Variants in NAV2 observed in about 807,000 individuals in gnomAD.
NAV2 encodes neuron navigator 2, also known as helicase, APC down-regulated 1.
Under a neutral mutation model 223.2 loss-of-function variants are expected in NAV2, and 54 were observed. That is an observed-to-expected ratio of 0.24 (90% CI 0.19 to 0.30). The LOEUF (loss-of-function observed/expected upper bound fraction) is 0.30, where lower values mean the gene tolerates loss of function less well. NAV2 is among the 10% of genes least tolerant of loss of function. NAV2 has a pLI of 1.00. For synonymous variants in NAV2, 1,279 were observed against 1,239.3 expected, an observed-to-expected ratio of 1.03 and a Z score of -0.67; for missense variants, 2,806 against 3,147.5, an observed-to-expected ratio of 0.89 and a Z score of 2.60.
Position 20,120,361 on chromosome 11 carries a change from G to A in NAV2, c.*2103G>A, listed in dbSNP as rs1009323440. The A allele has an allele frequency of 2.0e-5, 3 of 152,432 alleles. No homozygotes were observed. The highest frequency in any genetic ancestry group is 4.4e-5 in the Non-Finnish European group (3 of 68,014). The allele number at this position is 152,432 out of a possible 1,614,324, so 9.4% of individuals were successfully genotyped here. The stretch of plus-strand genomic sequence containing the variant: ...TCTGGGTGTGAGTGTGTCTTGTTCT[G>A]TTTTTCTTTTTAATAAAACTTTTAA... On this transcript the variant is annotated 3_prime_UTR_variant, in exon 38 of 38. Transcript: ENST00000349880.
intron 11 of NAV2, among the ~76,000 whole-genome samples, chr11:20,023,919 A>G (rs79299181): frequency 0.056 from 8,594 of 152,156 alleles, 792 homozygotes; most frequent in African/African-American, 0.2. Flanking sequence ...GTGTCATTCA[A>G]TTTCATTGCA....
At chr11:19,829,777 A>G (rs1159062592) in intron 1 of NAV2, among the ~76,000 whole-genome samples, 7 of 152,154 alleles carry the variant, frequency 4.6e-5, no homozygotes, top group Non-Finnish European at 1.5e-5. Context: ...AGGCACTTCC[A>G]TATAGTCCCA....
chr11:19,553,492 A>G (rs2044756901), intron 1 of NAV2, among the ~76,000 whole-genome samples: 1 of 145,094 alleles, frequency 6.9e-6, no homozygotes, highest in Non-Finnish European at 1.5e-5. Context: ...CTGAGCACCA[A>G]TATACAGTAA....
intron 6 of NAV2, among the ~76,000 whole-genome samples, chr11:19,897,886 T>TTTATATATATA: frequency 8.3e-6 from 1 of 120,686 alleles, no homozygotes; most frequent in African/African-American, 3.4e-5. Flanking sequence ...GACCTGTGAT[T>TTTATATATATA]TATATATATA....
At chr11:19,937,448 T>C (rs1056821068) in intron 7 of NAV2, among the ~76,000 whole-genome samples, 1 of 151,904 alleles carries the variant, frequency 6.6e-6, no homozygotes, top group African/African-American at 2.4e-5. Flanking sequence ...GAATGAATTA[T>C]ATTTATCAAT....
At chr11:19,358,219 G>A (rs1300410261) in intron 1 of NAV2, among the ~76,000 whole-genome samples, 2 of 152,182 alleles carry the variant, frequency 1.3e-5, no homozygotes, top group South Asian at 2.1e-4. Flanking sequence ...GGATGGCAGA[G>A]CAGGAGTAGA....
At chr11:20,022,633 T>A (rs1177001356) in intron 11 of NAV2, 20 of 988,704 alleles carry the variant, frequency 2.0e-5, no homozygotes, top group Non-Finnish European at 2.3e-5. Context: ...GATTTTTGCA[T>A]CATTAAAAGT....
intron 1 of NAV2, among the ~76,000 whole-genome samples, chr11:19,584,908 A>G (rs1225949905): frequency 1.3e-5 from 2 of 152,162 alleles, no homozygotes; most frequent in East Asian, 3.8e-4. Flanking sequence ...CTTGGTGCAG[A>G]GCTGAGTTCA....
At chr11:19,358,652 C>G (rs1853757727) in intron 1 of NAV2, among the ~76,000 whole-genome samples, 1 of 152,080 alleles carries the variant, frequency 6.6e-6, no homozygotes, top group African/African-American at 2.4e-5. Flanking sequence ...CATAGAGGTA[C>G]CAATCTGCAT....
chr11:19,737,946 C>G (rs1307751369), intron 1 of NAV2, among the ~76,000 whole-genome samples: 1 of 152,234 alleles, frequency 6.6e-6, no homozygotes, highest in African/African-American at 2.4e-5. Flanking sequence ...ACTGTCTCAG[C>G]AGCTCTTAGA....
chr11:19,775,729 G>C (rs1206824195), intron 1 of NAV2, among the ~76,000 whole-genome samples: 1 of 152,208 alleles, frequency 6.6e-6, no homozygotes, highest in African/African-American at 2.4e-5. Flanking sequence ...TCCCTGAAGA[G>C]GTGCCATTAG....
At chr11:19,895,698 C>A (rs1764949487) in intron 6 of NAV2, among the ~76,000 whole-genome samples, 2 of 152,112 alleles carry the variant, frequency 1.3e-5, no homozygotes, top group African/African-American at 4.8e-5. Flanking sequence ...TTTATTCTCT[C>A]TCCTACCCTG....
At chr11:19,862,556 G>A (rs1053023010) in intron 3 of NAV2, among the ~76,000 whole-genome samples, 1 of 152,188 alleles carries the variant, frequency 6.6e-6, no homozygotes, top group African/African-American at 2.4e-5. Flanking sequence ...AGAAGGGCAG[G>A]CCCTGATGCT....
chr11:19,589,646 A>G (rs1301495139), intron 1 of NAV2, among the ~76,000 whole-genome samples: 1 of 152,180 alleles, frequency 6.6e-6, no homozygotes, highest in African/African-American at 2.4e-5. Flanking sequence ...AAGGGCCTCT[A>G]TGTATCTAGA....
rs1473749494 is a variant in NAV2 at position 19,567,715 on chromosome 11, A to G, written c.75+216688A>G. 2.0e-5 allele frequency among the ~76,000 whole-genome samples: 3 copies of G among 151,948 alleles called. No homozygotes were observed. In the East Asian group the frequency reaches 5.8e-4, roughly 29 times the overall value. On this transcript the variant is annotated intron_variant, in intron 1 of 37. Coordinates refer to the NAV2 transcript ENST00000360655. Reference sequence around the variant, plus strand: ...TAATTCAGTCCCTCTGATAGACCACATTCTTCCTTGTCTTTAGGTCTTTCC... The same window carrying G: ...TAATTCAGTCCCTCTGATAGACCACGTTCTTCCTTGTCTTTAGGTCTTTCC...
upstream of NAV2, among the ~76,000 whole-genome samples, chr11:19,709,269 A>G (rs2403531): frequency 0.13 from 19,989 of 152,202 alleles, 1,422 homozygotes; most frequent in Non-Finnish European, 0.15. Flanking sequence ...AGGGCCAGGC[A>G]CGGTGGCTCA....
intron 1 of NAV2, among the ~76,000 whole-genome samples, chr11:19,489,377 C>T (rs1426947181): frequency 1.3e-5 from 2 of 152,192 alleles, no homozygotes; most frequent in Non-Finnish European, 2.9e-5. Context: ...TGATACATTT[C>T]TTAGAAAATA....
chr11:20,046,237 G>A (rs960704438), intron 14 of NAV2, among the ~76,000 whole-genome samples: 9 of 151,864 alleles, frequency 5.9e-5, no homozygotes, highest in African/African-American at 2.2e-4. Context: ...TCAGGAAGCT[G>A]AGGCAGAAGA....
intron 1 of NAV2, among the ~76,000 whole-genome samples, chr11:19,725,489 T>A (rs2051159851): frequency 6.6e-6 from 1 of 152,160 alleles, no homozygotes; most frequent in African/African-American, 2.4e-5. Flanking sequence ...GCCTTGGTCT[T>A]TCAAAAGTAT....
Sources: gnomAD v4.1 joint callset for allele counts (sites outside exome capture counted in the v4.1 genomes callset) on GRCh38, gnomAD v4.1.1 for gene constraint, MANE v1.5 for transcripts, NCBI Gene and HGNC (gene_info 2026-07-23, HGNC 2026-07-21) for gene names.